Variants in UBR1 observed in about 807,000 individuals in gnomAD.
UBR1 encodes E3 ubiquitin-protein ligase UBR1.
UBR1 carries 102 observed loss-of-function variants against 242.1 expected under a neutral mutation model. That is an observed-to-expected ratio of 0.42 (90% CI 0.36 to 0.50). The LOEUF (loss-of-function observed/expected upper bound fraction) is 0.50. Ranked by LOEUF, UBR1 falls within the 20% of genes least tolerant of loss-of-function variation. The pLI, the probability that UBR1 is intolerant of heterozygous loss-of-function variation, is 0.01. For synonymous variants in UBR1, 675 were observed against 684.8 expected (o/e 0.99, Z 0.22); for missense variants, 1,772 against 2,101.8 (o/e 0.84, Z 3.07).
At chr15:42,994,676 T>C (rs1221729136) in intron 33 of UBR1, among the ~76,000 whole-genome samples, 2 of 152,222 alleles carry the variant, frequency 1.3e-5, no homozygotes, top group African/African-American at 4.8e-5. Context: ...ATAGATAAAA[T>C]GCTTACACAT....
chr15:42,997,457 T>A (rs933903454), intron 33 of UBR1, among the ~76,000 whole-genome samples: 44 of 152,322 alleles, frequency 2.9e-4, no homozygotes, highest in African/African-American at 1.0e-3. Context: ...CTGTCTTCCA[T>A]AAAACCGGTC....
intron 37 of UBR1, among the ~76,000 whole-genome samples, chr15:42,983,665 CAATAAT>C (rs60519719): frequency 0.012 from 1,602 of 137,344 alleles, 19 homozygotes; most frequent in East Asian, 0.044. Flanking sequence ...AACTCCCACT[CAATAAT>C]AATAATAATA....
chr15:43,077,395 G>A (rs2141353034), intron 3 of UBR1, among the ~76,000 whole-genome samples: 1 of 151,942 alleles, frequency 6.6e-6, no homozygotes, highest in South Asian at 2.1e-4. Flanking sequence ...GTCCACTCAG[G>A]GTTAAATGGA....
intron 42 of UBR1, 28 bp downstream of exon 42, chr15:42,963,907 C>T: frequency 6.6e-7 from 1 of 1,516,644 alleles, no homozygotes; most frequent in South Asian, 1.1e-5. Flanking sequence ...TATAATAACC[C>T]AACAACAATA....
chr15:42,991,092 T>C (rs1224768309), intron 33 of UBR1, among the ~76,000 whole-genome samples: 1 of 151,730 alleles, frequency 6.6e-6, no homozygotes, highest in Non-Finnish European at 1.5e-5. Context: ...CTGGCCAACA[T>C]GGTGAAACCT....
At chr15:42,957,744 C>T (rs1240300955) in intron 44 of UBR1, among the ~76,000 whole-genome samples, 3 of 151,890 alleles carry the variant, frequency 2.0e-5, no homozygotes, top group South Asian at 4.2e-4. Flanking sequence ...GGCATGGTGG[C>T]GCCTGCCTGT....
chr15:42,947,515 G>A (rs2031758114), intron 46 of UBR1, among the ~76,000 whole-genome samples: 1 of 152,084 alleles, frequency 6.6e-6, no homozygotes, highest in Non-Finnish European at 1.5e-5. Context: ...CAGATGACAT[G>A]ATTGTATATC....
chr15:43,067,583 T>C (rs2033769710), intron 6 of UBR1, among the ~76,000 whole-genome samples: 1 of 152,222 alleles, frequency 6.6e-6, no homozygotes, highest in Non-Finnish European at 1.5e-5. Context: ...CTTTTCATAA[T>C]TCATACACTT....
rs1324225323 is a variant in UBR1, at chr15:43,024,904, C to T, written c.2664G>A (p.Met888Ile). 5.6e-6 allele frequency: 9 copies of T among 1,614,036 alleles called. No homozygotes were observed. The Admixed American group carries it at 6.7e-5, about 12-fold the overall frequency. ...GCTCAAATACGGTCCTGAGAATGTACATCATGATATCACAGTTGAGAAGGT... is the reference window on the plus strand; with the variant it reads ...GCTCAAATACGGTCCTGAGAATGTATATCATGATATCACAGTTGAGAAGGT... The part of the protein sequence containing the change: ...VINLLNCDIM[M>I]YILRTVFERA... Residue 888 changes from methionine to isoleucine, a missense_variant, in exon 25 of 47, where the codon ATG becomes ATA. Physicochemically the swap from Met to Ile is conservative, Grantham distance 10. Around this residue, in one of 3 missense-constraint regions of UBR1, gnomAD observed 965 missense variants for 1,079.7 expected, o/e 0.89. Transcript: ENST00000290650.
intron 1 of UBR1, 82 bp from the exon 2 acceptor site, chr15:43,086,322 T>C: frequency 6.6e-7 from 1 of 1,509,294 alleles, no homozygotes; most frequent in Non-Finnish European, 9.0e-7. Context: ...GACATAATTC[T>C]ACAATTTCAA....
intron 24 of UBR1, 118 bp downstream of exon 24, chr15:43,025,263 T>A (rs1317103063): frequency 4.0e-6 from 4 of 1,006,096 alleles, no homozygotes; most frequent in Non-Finnish European, 4.5e-6. Flanking sequence ...AAAAGCTCTT[T>A]GCACTTCCTT....
chr15:43,002,289 C>G (rs958160491), intron 32 of UBR1, among the ~76,000 whole-genome samples: 38 of 152,192 alleles, frequency 2.5e-4, no homozygotes, highest in African/African-American at 8.7e-4. Flanking sequence ...TCTCGACTCA[C>G]TGGAGCTTCA....
intron 39 of UBR1, among the ~76,000 whole-genome samples, chr15:42,973,661 G>C (rs911104813): frequency 6.6e-6 from 1 of 151,966 alleles, no homozygotes; most frequent in African/African-American, 2.4e-5. Flanking sequence ...GTATACTTTG[G>C]ATAACAGTCC....
chr15:42,960,543 T>G, intron 43 of UBR1, 102 bp downstream of exon 43: 15 of 1,165,874 alleles, frequency 1.3e-5, no homozygotes, highest in African/African-American at 3.1e-5. Flanking sequence ...CTGTACTGAG[T>G]GAGAATGAAG....
chr15:43,101,839 G>A (rs1008300813), intron 1 of UBR1, among the ~76,000 whole-genome samples: 2 of 151,770 alleles, frequency 1.3e-5, no homozygotes, highest in Non-Finnish European at 2.9e-5. Flanking sequence ...GTGGTGGCAG[G>A]CACCTGTAAT....
chr15:43,002,767 C>G, intron 31 of UBR1, 63 bp from the exon 32 acceptor site: 2 of 1,606,510 alleles, frequency 1.2e-6, no homozygotes, highest in South Asian at 2.2e-5. Flanking sequence ...ATGTGTATCT[C>G]TACTTGCTCT....
intron 21 of UBR1, among the ~76,000 whole-genome samples, chr15:43,029,111 A>G (rs1228313420): frequency 1.3e-5 from 2 of 152,058 alleles, no homozygotes; most frequent in Non-Finnish European, 2.9e-5. Context: ...AAATAAAAAC[A>G]AATACACACA....
At chr15:43,040,300 TC>T (rs2033399848) in intron 15 of UBR1, among the ~76,000 whole-genome samples, 1 of 152,066 alleles carries the variant, frequency 6.6e-6, no homozygotes, top group East Asian at 1.9e-4. Flanking sequence ...ATACCACACA[TC>T]TACAACCATC....
intron 1 of UBR1, among the ~76,000 whole-genome samples, chr15:43,095,107 AAT>A (rs1366378752): frequency 3.3e-5 from 5 of 152,178 alleles, no homozygotes; most frequent in African/African-American, 2.4e-5. Context: ...TGCTGTATGG[AAT>A]ATATATCTGC....
Sources: gnomAD v4.1 joint callset for allele counts (sites outside exome capture counted in the v4.1 genomes callset) on GRCh38, gnomAD v4.1.1 for gene constraint, gnomAD v4.1.1 regional missense constraint, MANE v1.5 for transcripts, NCBI Gene and HGNC (gene_info 2026-07-23, HGNC 2026-07-21) for gene names.